ZSWIM6: variants seen among roughly 807,000 people sequenced by gnomAD.
ZSWIM6 encodes the protein zinc finger SWIM-type containing 6, also known as zinc finger SWIM domain-containing protein 6.
ZSWIM6 carries 9 observed loss-of-function variants against 113.2 expected under a neutral mutation model. That is an observed-to-expected ratio of 0.08 (90% confidence interval 0.05 to 0.14). The LOEUF (loss-of-function observed/expected upper bound fraction) is 0.14. Among genes scored for constraint, ZSWIM6 ranks in the 10% least tolerant of loss-of-function variants. ZSWIM6 has a pLI of 1.00. For synonymous variants in ZSWIM6, 611 were observed against 606.5 expected, an observed-to-expected ratio of 1.01 and a Z score of -0.11; for missense variants, 1,162 against 1,552.2, an observed-to-expected ratio of 0.75 and a Z score of 4.22.
chr5:61,522,768 T>C (rs1749166169), intron 5 of ZSWIM6, among the ~76,000 whole-genome samples: 1 of 152,238 alleles, frequency 6.6e-6, no homozygotes, highest in Admixed American at 6.5e-5. Flanking sequence ...TGTTCAACAT[T>C]TATTCTCTTC....
Position 61,541,751 on chromosome 5 carries a change from C to T in ZSWIM6, c.2704-133C>T, listed in dbSNP as rs1169378309. 4 of 742,488 alleles carry T rather than the reference C, an allele frequency of 5.4e-6. No homozygotes were observed. In the African/African-American group the frequency reaches 7.1e-5, roughly 13 times the overall value. 46.0% of individuals were successfully genotyped at this position (742,488 alleles called of 1,614,324 possible). Reference sequence around the variant, plus strand: ...ATCCAAATTCATATGTAGAGCTTTGCTCTAAATTATGCTTTCATCTTCCTG... The same window carrying T: ...ATCCAAATTCATATGTAGAGCTTTGTTCTAAATTATGCTTTCATCTTCCTG... On this transcript the variant is annotated intron_variant, in intron 12 of 13. Coordinates refer to ENST00000252744, the MANE Select transcript of ZSWIM6 (RefSeq NM_020928.2).
At chr5:61,461,292 A>G (rs1297715688) in intron 1 of ZSWIM6, among the ~76,000 whole-genome samples, 1 of 152,168 alleles carries the variant, frequency 6.6e-6, no homozygotes, top group East Asian at 1.9e-4. Flanking sequence ...ATATCTTGTC[A>G]TGGTTGGCTC....
chr5:61,425,567 A>G (rs187471542), intron 1 of ZSWIM6, among the ~76,000 whole-genome samples: 1 of 152,352 alleles, frequency 6.6e-6, no homozygotes, highest in Non-Finnish European at 1.5e-5. Context: ...AAATCCCCAT[A>G]CAACCTGGAA....
At chr5:61,487,778 T>C (rs1282796420) in intron 2 of ZSWIM6, among the ~76,000 whole-genome samples, 1 of 152,114 alleles carries the variant, frequency 6.6e-6, no homozygotes, top group African/African-American at 2.4e-5. Flanking sequence ...CATTTTTTGA[T>C]GGAGTCTTCA....
chr5:61,513,770 A>G (rs1018029598), intron 4 of ZSWIM6, among the ~76,000 whole-genome samples: 1 of 151,956 alleles, frequency 6.6e-6, no homozygotes, highest in Non-Finnish European at 1.5e-5. Context: ...TGAATTGACT[A>G]TATTTGTATA....
Position 61,544,444 on chromosome 5 carries a change from A to T in ZSWIM6, c.*127A>T. ...ACCGGTATTATATGTGTATAGTTAT[A>T]TTGCGTTTGCAGACTAAATTGTCAT... On this transcript the variant is annotated 3_prime_UTR_variant, in exon 14 of 14. Transcript: ENST00000252744. 1.9e-6 allele frequency: 1 copy of T among 518,610 alleles called. No individual in the cohort carries two copies. Among genetic ancestry groups the T allele is most frequent in the Non-Finnish European group, 3.3e-6 (1 of 305,846 alleles). 32.1% of individuals were successfully genotyped at this position (518,610 alleles called of 1,614,324 possible).
At chr5:61,515,722 G>C (rs1454578146) in intron 4 of ZSWIM6, among the ~76,000 whole-genome samples, 1 of 152,048 alleles carries the variant, frequency 6.6e-6, no homozygotes, top group African/African-American at 2.4e-5. Context: ...TAATTTTCTG[G>C]CTACTTGTTC....
chr5:61,360,715 A>G (rs921667542), intron 1 of ZSWIM6, among the ~76,000 whole-genome samples: 1 of 152,138 alleles, frequency 6.6e-6, no homozygotes, highest in South Asian at 2.1e-4. Flanking sequence ...CCTTTGGAAT[A>G]TCTCTCTTCA....
intron 2 of ZSWIM6, among the ~76,000 whole-genome samples, chr5:61,485,338 G>A (rs1747989034): frequency 6.6e-6 from 1 of 152,092 alleles, no homozygotes; most frequent in Non-Finnish European, 1.5e-5. Context: ...CCTTCCTTAG[G>A]ATTTGGTCCT....
At chr5:61,335,425 CTT>C (rs1744371061) in intron 1 of ZSWIM6, among the ~76,000 whole-genome samples, 1 of 152,228 alleles carries the variant, frequency 6.6e-6, no homozygotes, top group Admixed American at 6.5e-5. Flanking sequence ...AGATAGAACA[CTT>C]ATGATCAGGG....
chr5:61,368,691 G>A (rs996518472), intron 1 of ZSWIM6, among the ~76,000 whole-genome samples: 1 of 152,138 alleles, frequency 6.6e-6, no homozygotes, highest in Non-Finnish European at 1.5e-5. Context: ...CTTACTGCTG[G>A]CCAGCTATCA....
chr5:61,348,402 A>G (rs1744712033), intron 1 of ZSWIM6, among the ~76,000 whole-genome samples: 1 of 152,190 alleles, frequency 6.6e-6, no homozygotes, highest in Non-Finnish European at 1.5e-5. Flanking sequence ...CCATTCAGGT[A>G]TTTGTACTTC....
intron 1 of ZSWIM6, among the ~76,000 whole-genome samples, chr5:61,437,169 T>TAA (rs1205693401): frequency 6.6e-6 from 1 of 152,184 alleles, no homozygotes; most frequent in African/African-American, 2.4e-5. Flanking sequence ...TGGGAACTTG[T>TAA]AAAAGGTAGA....
chr5:61,359,426 C>G (rs1200828726), intron 1 of ZSWIM6, among the ~76,000 whole-genome samples: 1 of 152,114 alleles, frequency 6.6e-6, no homozygotes, highest in African/African-American at 2.4e-5. Flanking sequence ...AAAAAATATT[C>G]TAGGGCACCT....
chr5:61,390,783 T>C, intron 1 of ZSWIM6: 2 of 790,084 alleles, frequency 2.5e-6, no homozygotes, highest in Non-Finnish European at 4.6e-6. Flanking sequence ...GTCAATGAAC[T>C]TAAGGTCAAT....
intron 1 of ZSWIM6, among the ~76,000 whole-genome samples, chr5:61,427,142 A>G (rs1346141876): frequency 6.6e-6 from 1 of 152,234 alleles, no homozygotes; most frequent in African/African-American, 2.4e-5. Flanking sequence ...TGGCTGCAGA[A>G]TAATTAAATA....
chr5:61,348,213 T>C (rs1302103597), intron 1 of ZSWIM6, among the ~76,000 whole-genome samples: 1 of 152,060 alleles, frequency 6.6e-6, no homozygotes, highest in African/African-American at 2.4e-5. Context: ...AGAGTGAGAC[T>C]GTCTCAAAAA....
At chr5:61,516,239 C>T (rs1197536710) in intron 4 of ZSWIM6, among the ~76,000 whole-genome samples, 1 of 149,450 alleles carries the variant, frequency 6.7e-6, no homozygotes, top group Non-Finnish European at 1.5e-5. Context: ...TTCCATTCAT[C>T]TCTTCCCTCT....
At chr5:61,397,035 T>C (rs943570968) in intron 1 of ZSWIM6, among the ~76,000 whole-genome samples, 8 of 152,168 alleles carry the variant, frequency 5.3e-5, no homozygotes, top group African/African-American at 1.9e-4. Flanking sequence ...TACCCATGAT[T>C]GTCCCAATAT....
Sources: allele counts gnomAD v4.1 joint callset (sites outside exome capture counted in the v4.1 genomes callset), GRCh38; gene constraint gnomAD v4.1.1; transcripts MANE v1.5; gene names NCBI Gene and HGNC (gene_info 2026-07-23, HGNC 2026-07-21).